The following HS6ST3 variants were observed in gnomAD, a reference collection of about 807,000 sequenced individuals.
HS6ST3 encodes heparan-sulfate 6-O-sulfotransferase 3.
A neutral mutation model predicts 36.7 loss-of-function variants in HS6ST3; 12 were observed. The observed-to-expected ratio is 0.33, with a 90% CI of 0.21 to 0.53. The LOEUF is 0.53. HS6ST3 is among the 20% of genes least tolerant of loss of function. The pLI, the probability that HS6ST3 is intolerant of heterozygous loss-of-function variation, is 0.95. For missense variants in HS6ST3, 584 were observed against 640.9 expected, an observed-to-expected ratio of 0.91 and a Z score of 0.96; for synonymous variants, 240 against 257.5, an observed-to-expected ratio of 0.93 and a Z score of 0.65.
intron 1 of HS6ST3, among the ~76,000 whole-genome samples, chr13:96,675,673 T>C (rs2056696767): frequency 6.6e-6 from 1 of 152,112 alleles, no homozygotes; most frequent in South Asian, 2.1e-4. Context: ...CCTCTGCATA[T>C]TGAGTTACAT....
chr13:96,766,308 G>T (rs1236347781), intron 1 of HS6ST3, among the ~76,000 whole-genome samples: 2 of 152,126 alleles, frequency 1.3e-5, no homozygotes, highest in African/African-American at 4.8e-5. Flanking sequence ...TCTTAAAAAG[G>T]GAAATTTTAA....
chr13:96,820,912 G>A (rs916213427), intron 1 of HS6ST3, among the ~76,000 whole-genome samples: 1 of 152,116 alleles, frequency 6.6e-6, no homozygotes, highest in Non-Finnish European at 1.5e-5. Flanking sequence ...CTGTTTTAAG[G>A]CTGAAAAGAG....
intron 1 of HS6ST3, among the ~76,000 whole-genome samples, chr13:96,702,790 TA>T (rs1875322028): frequency 6.6e-6 from 1 of 152,224 alleles, no homozygotes; most frequent in Admixed American, 6.5e-5. Context: ...TCTTAGTATG[TA>T]AGTTCACAAG....
chr13:96,358,869 A>AATCTATCTATCTATCT (rs58185989), intron 1 of HS6ST3, among the ~76,000 whole-genome samples: 7 of 147,520 alleles, frequency 4.7e-5, no homozygotes, highest in Non-Finnish European at 1.0e-4. Flanking sequence ...GTATATATAT[A>AATCTATCTATCTATCT]ATCTATCTAT....
At chr13:96,431,887 A>G (rs1007726374) in intron 1 of HS6ST3, among the ~76,000 whole-genome samples, 3 of 152,206 alleles carry the variant, frequency 2.0e-5, no homozygotes, top group Admixed American at 6.5e-5. Flanking sequence ...TTATATAGTC[A>G]TAACTCAGTG....
intron 1 of HS6ST3, among the ~76,000 whole-genome samples, chr13:96,439,175 G>A (rs2139479162): frequency 6.6e-6 from 1 of 152,316 alleles, no homozygotes; most frequent in East Asian, 1.9e-4. Flanking sequence ...AAGAACAGTG[G>A]AATAGGAAGC....
chr13:96,093,772 A>C (rs534965839), intron 1 of HS6ST3, among the ~76,000 whole-genome samples: 9 of 152,302 alleles, frequency 5.9e-5, no homozygotes, highest in African/African-American at 1.9e-4. Context: ...GGATGTTAAC[A>C]GTAGCATCTC....
chr13:96,289,280 A>G (rs1163913296), intron 1 of HS6ST3, among the ~76,000 whole-genome samples: 1 of 152,094 alleles, frequency 6.6e-6, no homozygotes, highest in African/African-American at 2.4e-5. Flanking sequence ...AGAACACTGG[A>G]GAAAAAATAA....
chr13:96,356,526 C>T (rs563341671), intron 1 of HS6ST3, among the ~76,000 whole-genome samples: 9 of 152,188 alleles, frequency 5.9e-5, no homozygotes, highest in South Asian at 2.1e-4. Flanking sequence ...CAGAGCTCTT[C>T]GGTGGACTAG....
chr13:96,308,943 C>G (rs2054926981), intron 1 of HS6ST3, among the ~76,000 whole-genome samples: 1 of 152,190 alleles, frequency 6.6e-6, no homozygotes, highest in South Asian at 2.1e-4. Flanking sequence ...TAACCTTTGT[C>G]TAGCGTTAAG....
At chr13:96,461,715 A>G (rs2055785228) in intron 1 of HS6ST3, among the ~76,000 whole-genome samples, 1 of 152,316 alleles carries the variant, frequency 6.6e-6, no homozygotes, top group African/African-American at 2.4e-5. Context: ...CAAAACCTTG[A>G]ACTTTCACAT....
chr13:96,814,597 T>G (rs553535875), intron 1 of HS6ST3, among the ~76,000 whole-genome samples: 133 of 152,186 alleles, frequency 8.7e-4, no homozygotes, highest in Non-Finnish European at 1.8e-3. Context: ...TCTTCTCTTT[T>G]GGTTTCGTTT....
In HS6ST3 at chr13:96,254,426, AAAAAAAAAAAAAAAAAAAAAAAATATAT is replaced by A. The variant is rs1450947476; in HGVS notation, c.707+162859_707+162886del. Among the ~76,000 whole-genome samples the A allele has an allele frequency of 6.9e-4, 16 of 23,222 alleles. 1 individual carries two copies. Among genetic ancestry groups the A allele is most frequent in the African/African-American group, 1.7e-3 (16 of 9,694 alleles). The allele number at this position is 23,222 out of a possible 152,430, so 15.2% of individuals were successfully genotyped here. ...GAGACTCTGTCTCAGAAAAAAAAAA[AAAAAAAAAAAAAAAAAAAAAAAATATAT>A]ATATATATATATATATATATATATA... On this transcript the variant is annotated intron_variant, in intron 1 of 1. Coordinates refer to ENST00000376705, the MANE Select transcript of HS6ST3 (RefSeq NM_153456.4).
intron 1 of HS6ST3, among the ~76,000 whole-genome samples, chr13:96,725,038 T>C (rs1345240965): frequency 6.6e-6 from 1 of 152,188 alleles, no homozygotes; most frequent in East Asian, 1.9e-4. Flanking sequence ...CTCCGCATTG[T>C]CCCGGACACT....
intron 1 of HS6ST3, among the ~76,000 whole-genome samples, chr13:96,315,081 T>G: frequency 6.6e-6 from 1 of 152,182 alleles, no homozygotes; most frequent in East Asian, 1.9e-4. Flanking sequence ...AAAGTACAAT[T>G]GTTACTAAAC....
Position 96,291,816 on chromosome 13 carries a change from A to G in HS6ST3, c.707+200247A>G, listed in dbSNP as rs770695678. 2.6e-5 allele frequency among the ~76,000 whole-genome samples: 4 copies of G among 152,204 alleles called. No homozygotes were observed. The South Asian group carries it at 6.2e-4, about 24-fold the overall frequency. ...GCAGGATTCTATTCCAATGAAATCA[A>G]TGTAAAATAATGATCTGATTCACCA... is the stretch of plus-strand genomic sequence containing the variant. On this transcript the variant is annotated intron_variant, in intron 1 of 1. Transcript: ENST00000376705.
intron 1 of HS6ST3, among the ~76,000 whole-genome samples, chr13:96,498,382 A>AAT (rs2055987517): frequency 6.6e-6 from 1 of 152,148 alleles, no homozygotes; most frequent in Non-Finnish European, 1.5e-5. Flanking sequence ...TCTTCCATAA[A>AAT]GCGTGTCAAG....
At chr13:96,157,991 G>A (rs1221868124) in intron 1 of HS6ST3, among the ~76,000 whole-genome samples, 3 of 152,160 alleles carry the variant, frequency 2.0e-5, no homozygotes, top group African/African-American at 7.2e-5. Flanking sequence ...CGTGGGTGCC[G>A]GGATGGTAAA....
At chr13:96,827,795 A>C (rs1245648820) in intron 1 of HS6ST3, among the ~76,000 whole-genome samples, 2 of 152,202 alleles carry the variant, frequency 1.3e-5, no homozygotes, top group Non-Finnish European at 2.9e-5. Context: ...TTAAGCCTAA[A>C]CCAGTTTCAG....
Sources: allele counts gnomAD v4.1 joint callset (sites outside exome capture counted in the v4.1 genomes callset), GRCh38; gene constraint gnomAD v4.1.1; transcripts MANE v1.5; gene names NCBI Gene and HGNC (gene_info 2026-07-23, HGNC 2026-07-21).